HEPACAM2: variants seen among roughly 807,000 people sequenced by gnomAD.
HEPACAM2 encodes the protein HEPACAM family member 2, also known as mitotic kinetics regulator.
HEPACAM2 carries 49 observed loss-of-function variants against 49.6 expected under a neutral mutation model. That is an observed-to-expected ratio of 0.99 (90% CI 0.78 to 1.25). The LOEUF is 1.25. HEPACAM2 is among the 50% of genes most tolerant of loss of function. The pLI, the probability that HEPACAM2 is intolerant of heterozygous loss-of-function variation, is 0.00. For synonymous variants in HEPACAM2, 197 were observed against 202.9 expected, an observed-to-expected ratio of 0.97 and a Z score of 0.25; for missense variants, 525 against 557.2, an observed-to-expected ratio of 0.94 and a Z score of 0.58.
chr7:93,206,697 T>C (rs1403308602), intron 4 of HEPACAM2, among the ~76,000 whole-genome samples: 4 of 151,638 alleles, frequency 2.6e-5, no homozygotes, highest in Non-Finnish European at 5.9e-5. Flanking sequence ...GCTCAATGTG[T>C]TAAGTGCTCA....
chr7:93,192,759 T>G (rs1793587921), intron 8 of HEPACAM2, among the ~76,000 whole-genome samples: 1 of 152,122 alleles, frequency 6.6e-6, no homozygotes, highest in South Asian at 2.1e-4. Flanking sequence ...TTGCCAATTA[T>G]GTGCGCAAGG....
At chr7:93,211,724 T>C (rs1794183303) in intron 3 of HEPACAM2, among the ~76,000 whole-genome samples, 1 of 151,880 alleles carries the variant, frequency 6.6e-6, no homozygotes, top group Non-Finnish European at 1.5e-5. Context: ...GCAGTTATGG[T>C]GCACACCGAA....
chr7:93,196,405 A>G (rs968686493), intron 7 of HEPACAM2, among the ~76,000 whole-genome samples: 12 of 152,178 alleles, frequency 7.9e-5, no homozygotes, highest in Non-Finnish European at 1.5e-4. Flanking sequence ...ACTATCATCT[A>G]TAGAATGATG....
At chr7:93,223,360 G>T (rs923537957) in intron 1 of HEPACAM2, among the ~76,000 whole-genome samples, 1 of 152,086 alleles carries the variant, frequency 6.6e-6, no homozygotes, top group African/African-American at 2.4e-5. Context: ...TCTTAAATAT[G>T]AAAAGACTGG....
At chr7:93,211,008 C>T (rs1794165522) in intron 3 of HEPACAM2, among the ~76,000 whole-genome samples, 1 of 151,974 alleles carries the variant, frequency 6.6e-6, no homozygotes, top group Admixed American at 6.6e-5. Context: ...CTAGTAAAAC[C>T]ATTTTGGATA....
rs553141788 is a variant in HEPACAM2, at chr7:93,193,062, G to A, written c.1276-699C>T. The stretch of plus-strand genomic sequence containing the variant: ...AACACTCCCTCCCAATTATTTAGCC[G>A]AAGTCTAGTTTTCCTCCCCATCCCA... On this transcript the variant is annotated intron_variant, in intron 8 of 9. Transcript: ENST00000394468. Among the ~76,000 whole-genome samples the A allele has an allele frequency of 3.7e-4, 56 of 151,964 alleles. 1 individual carries two copies. Among genetic ancestry groups the A allele is most frequent in the African/African-American group, 1.3e-3 (52 of 41,462 alleles).
chr7:93,196,610 T>TA (rs749817852), intron 7 of HEPACAM2, among the ~76,000 whole-genome samples: 51 of 152,266 alleles, frequency 3.3e-4, no homozygotes, highest in Non-Finnish European at 5.6e-4. Flanking sequence ...GGGAAGTTTT[T>TA]ATCCCTATTA....
intron 3 of HEPACAM2, among the ~76,000 whole-genome samples, chr7:93,211,903 C>T (rs1794187901): frequency 6.6e-6 from 1 of 151,948 alleles, no homozygotes; most frequent in South Asian, 2.1e-4. Flanking sequence ...TTCGTCTTCC[C>T]CCTGGTTTTC....
chr7:93,217,037 A>G (rs911210517), intron 2 of HEPACAM2, among the ~76,000 whole-genome samples: 3 of 152,322 alleles, frequency 2.0e-5, no homozygotes, highest in Middle Eastern at 3.4e-3. Flanking sequence ...AGCTTATAGC[A>G]CTTTTCAAGA....
chr7:93,219,428 T>A lies in HEPACAM2; in HGVS notation c.103A>T (p.Thr35Ser), dbSNP rs1794399745. Residue 35 changes from threonine (T) to serine (S), a missense_variant, in exon 2 of 10, where the codon ACA becomes TCA. Physicochemically the swap from Thr to Ser is moderately conservative, Grantham distance 58. Transcript: ENST00000394468. ...LFGACSGLKV[T>S]VPSHTVHGVR... ...CCATGGACAGTGTGTGATGGCACTG[T>A]CACCTTCAGCCCCGAGCAAGCACCT... is the stretch of plus-strand genomic sequence containing the variant. 1 of 1,613,790 alleles carries A rather than the reference T, an allele frequency of 6.2e-7. No individual in the cohort carries two copies.
upstream of HEPACAM2, among the ~76,000 whole-genome samples, chr7:93,230,552 T>C (rs1794606209): frequency 6.6e-6 from 1 of 152,240 alleles, no homozygotes; most frequent in Non-Finnish European, 1.5e-5. Flanking sequence ...CATAGATTAT[T>C]AATCAAAGTG....
intron 2 of HEPACAM2, 141 bp from the exon 3 acceptor site, chr7:93,215,826 T>G (rs745357423): frequency 4.1e-5 from 32 of 773,272 alleles, no homozygotes; most frequent in Non-Finnish European, 6.4e-5. Context: ...AGGTAATAAC[T>G]AAAGAAGAGA....
At chr7:93,192,740 T>C (rs1045173517) in intron 8 of HEPACAM2, among the ~76,000 whole-genome samples, 3 of 152,114 alleles carry the variant, frequency 2.0e-5, no homozygotes, top group African/African-American at 7.2e-5. Flanking sequence ...GTTACCCTTT[T>C]GACACTATTT....
rs1438617679 is a variant in HEPACAM2, at chr7:93,219,144, A to G, written c.387T>C (p.Asn129=). 1 of 1,613,902 alleles carries G rather than the reference A, an allele frequency of 6.2e-7. No individual in the cohort carries two copies. Reference sequence around the variant, plus strand: ...TCTTCTGACTGGCAGATAGAGTTCCATTTCCCTGAATGTTGACCTTCACGA... The same window carrying G: ...TCTTCTGACTGGCAGATAGAGTTCCGTTTCCCTGAATGTTGACCTTCACGA... ...NYIVKVNIQG[N]GTLSASQKIQ... Residue 129 remains asparagine (N), a synonymous_variant, in exon 2 of 10, where the codon AAT becomes AAC. Coordinates refer to ENST00000394468, the MANE Select transcript of HEPACAM2 (RefSeq NM_001039372.4).
At chr7:93,219,713 G>A (rs868471399) in intron 1 of HEPACAM2, 7 of 509,854 alleles carry the variant, frequency 1.4e-5, no homozygotes, top group South Asian at 1.1e-4. Flanking sequence ...CGATTGCTAC[G>A]GAATAATGGG....
At chr7:93,202,054 A>G (rs1470407103) in intron 4 of HEPACAM2, among the ~76,000 whole-genome samples, 1 of 148,916 alleles carries the variant, frequency 6.7e-6, no homozygotes, top group Non-Finnish European at 1.5e-5. Flanking sequence ...AAAAAACCAC[A>G]AAAACCAGAA....
At position 93,210,423 on chromosome 7, in the gene HEPACAM2, G is replaced by A. The variant is rs184707647; in HGVS notation, c.716-1547C>T. Among the ~76,000 whole-genome samples the A allele has an allele frequency of 8.8e-3, 1,344 of 151,892 alleles. 12 individuals are homozygous for A. The highest frequency in any genetic ancestry group is 0.014 in the Non-Finnish European group (962 of 67,876). On this transcript the variant is annotated intron_variant, in intron 3 of 9. Coordinates refer to ENST00000394468, the MANE Select transcript of HEPACAM2 (RefSeq NM_001039372.4). ...GTTTCTAAAATATATGCACTTAATC[G>A]TTCACATTACTTCTCTAAAAAGAAA...
Position 93,189,178 on chromosome 7 carries a change from T to G in HEPACAM2, c.*89A>C, listed in dbSNP as rs540305478. On this transcript the variant is annotated 3_prime_UTR_variant, in exon 10 of 10. Coordinates refer to ENST00000394468, the MANE Select transcript of HEPACAM2 (RefSeq NM_001039372.4). ...GAGGTGTTGGTCTTGGTTTCTTCAC[T>G]GATTCCAGATTAATATACTTTTCCA... 1.7e-6 allele frequency: 2 copies of G among 1,158,176 alleles called. No individual in the cohort carries two copies. The highest frequency in any genetic ancestry group is 2.4e-5 in the East Asian group (1 of 42,356). 71.7% of individuals were successfully genotyped at this position (1,158,176 alleles called of 1,614,324 possible).
upstream of HEPACAM2, among the ~76,000 whole-genome samples, chr7:93,230,591 A>G (rs1363764951): frequency 6.6e-6 from 1 of 152,232 alleles, no homozygotes; most frequent in Non-Finnish European, 1.5e-5. Flanking sequence ...TGAGCGCAAC[A>G]ATCAAGAAAT....
Sources: gnomAD v4.1 joint callset for allele counts (sites outside exome capture counted in the v4.1 genomes callset) on GRCh38, gnomAD v4.1.1 for gene constraint, MANE v1.5 for transcripts, NCBI Gene and HGNC (gene_info 2026-07-23, HGNC 2026-07-21) for gene names.